Variants in SELP observed in about 807,000 individuals in gnomAD.
The protein encoded by SELP is P-selectin.
Under a neutral mutation model 104.1 loss-of-function variants are expected in SELP, and 92 were observed. That is an observed-to-expected ratio of 0.88 (90% CI 0.75 to 1.05). SELP has a LOEUF of 1.05. Among genes scored for constraint, SELP ranks in the 50% least tolerant of loss-of-function variants. SELP has a pLI of 0.00. For missense variants in SELP, 1,022 were observed against 1,017.3 expected (o/e 1.00, Z -0.06); for synonymous variants, 397 against 364.5 (o/e 1.09, Z -1.01).
At chr1:169,620,147 G>T (rs3917692) in intron 1 of SELP, among the ~76,000 whole-genome samples, 2,319 of 152,228 alleles carry the variant, frequency 0.015, 64 homozygotes, top group African/African-American at 0.051. Flanking sequence ...GGCGGAGGTT[G>T]CAGTGAGCGG....
rs6128 is a variant in SELP, at chr1:169,593,666, C to G, written c.2346G>C (p.Thr782=). 1.2e-6 allele frequency: 2 copies of G among 1,613,142 alleles called. No individual in the cohort carries two copies. Among genetic ancestry groups the G allele is most frequent in the East Asian group, 4.5e-5 (2 of 44,864 alleles). ...LTYFGGAVAS[T]IGLIMGGTLL... Reference sequence around the variant, plus strand: ...GCGTCCCACCCATTATCAGACCTATCGTAGAAGCCACCGCTCCACCAAAGT... The same window carrying G: ...GCGTCCCACCCATTATCAGACCTATGGTAGAAGCCACCGCTCCACCAAAGT... The change falls in exon 14 of 17, where the codon ACG becomes ACC. Residue 782 remains threonine (T), a synonymous_variant. Transcript: ENST00000263686.
chr1:169,612,081 G>T, intron 6 of SELP, 136 bp downstream of exon 6: 1 of 833,204 alleles, frequency 1.2e-6, no homozygotes. Flanking sequence ...ACCCAATCTA[G>T]CTGAATGGCA....
intron 4 of SELP, 122 bp downstream of exon 4, chr1:169,613,464 G>T: frequency 1.4e-6 from 1 of 736,694 alleles, no homozygotes; most frequent in Non-Finnish European, 2.4e-6. Flanking sequence ...GGAGGAGACA[G>T]ATGATAGAGG....
intron 7 of SELP, among the ~76,000 whole-genome samples, chr1:169,610,833 C>T (rs1334551105): frequency 6.6e-6 from 1 of 151,924 alleles, no homozygotes; most frequent in Non-Finnish European, 1.5e-5. Flanking sequence ...CCAAAATCCT[C>T]TAGTGTTTCT....
At chr1:169,606,818 G>A (rs1298505001) in intron 9 of SELP, 131 bp downstream of exon 9, 2 of 794,190 alleles carry the variant, frequency 2.5e-6, no homozygotes, top group Non-Finnish European at 4.1e-6. Flanking sequence ...ACAAGAGGAT[G>A]AGTGAGAGTA....
At chr1:169,601,603 G>A (rs1661915447) in intron 10 of SELP, among the ~76,000 whole-genome samples, 1 of 152,188 alleles carries the variant, frequency 6.6e-6, no homozygotes, top group Non-Finnish European at 1.5e-5. Flanking sequence ...CTGTGGAGTG[G>A]AAAAGAGTAA....
intron 12 of SELP, 87 bp downstream of exon 12, chr1:169,595,838 G>T: frequency 8.6e-7 from 1 of 1,158,382 alleles, no homozygotes. Flanking sequence ...GTTGTGGTTG[G>T]GTGAGACTTC....
Position 169,597,119 on chromosome 1 carries a change from G to A in SELP, c.1763C>T (p.Thr588Ile), listed in dbSNP as rs1661667680. The change falls in exon 11 of 17, where the codon ACT (threonine) becomes ATT (isoleucine). Residue 588 changes from threonine (T) to isoleucine (I), a missense_variant. Transcript: ENST00000263686. ...PEQGSLDCSD[T>I]RGEFNVGSTC... ...GGAGCCAACATTGAATTCTCCACGA[G>A]TGTCAGAACAATCCAGGCTGCCCTG... is the stretch of plus-strand genomic sequence containing the variant. 2 of 1,612,750 alleles carry A rather than the reference G, an allele frequency of 1.2e-6. No individual in the cohort carries two copies. Among genetic ancestry groups the A allele is most frequent in the Non-Finnish European group, 1.7e-6 (2 of 1,179,296 alleles).
intron 2 of SELP, 55 bp from the exon 3 acceptor site, chr1:169,617,469 G>C: frequency 6.5e-7 from 1 of 1,547,064 alleles, no homozygotes; most frequent in South Asian, 1.2e-5. Flanking sequence ...AAAAGAGGCC[G>C]TGATCCCAAG....
At chr1:169,614,442 C>G (rs1333353953) in intron 3 of SELP, among the ~76,000 whole-genome samples, 1 of 152,200 alleles carries the variant, frequency 6.6e-6, no homozygotes, top group African/African-American at 2.4e-5. Flanking sequence ...GCCATGGTTT[C>G]TTTCCTGCAA....
intron 12 of SELP, among the ~76,000 whole-genome samples, chr1:169,595,704 C>G (rs1049547769): frequency 6.6e-6 from 1 of 152,120 alleles, no homozygotes; most frequent in African/African-American, 2.4e-5. Context: ...CTTTAAGTCT[C>G]TGAGTACTTG....
intron 2 of SELP, 102 bp from the exon 3 acceptor site, chr1:169,617,516 A>C: frequency 8.5e-7 from 1 of 1,177,688 alleles, no homozygotes; most frequent in Admixed American, 2.3e-5. Flanking sequence ...TCCGACCAGA[A>C]CATTAATACA....
intron 3 of SELP, among the ~76,000 whole-genome samples, chr1:169,615,853 T>A (rs1662781819): frequency 6.6e-6 from 1 of 152,200 alleles, no homozygotes; most frequent in Non-Finnish European, 1.5e-5. Context: ...ATACCTGTAC[T>A]GTTGAGGGCT....
rs138016577 is a variant in SELP, at chr1:169,599,484, G to C, written c.1706-2308C>G. ...TTCTATCACATATGGGTATTCATTG[G>C]TGTTCTTCTATAGTCCATCAAGAAA... On this transcript the variant is annotated intron_variant, in intron 10 of 16. Transcript: ENST00000263686. Among the ~76,000 whole-genome samples the C allele has an allele frequency of 7.3e-3, 1,104 of 152,196 alleles. 4 individuals are homozygous for C. The highest frequency in any genetic ancestry group is 0.013 in the Non-Finnish European group (883 of 68,002).
chr1:169,613,612 C>A lies in SELP; in HGVS notation c.563G>T (p.Gly188Val). The change falls in exon 4 of 17, where the codon GGA (glycine) becomes GTA (valine). Residue 188 changes from glycine (G) to valine (V), a missense_variant. By Grantham distance (109) the Gly-to-Val change is moderately radical. Transcript: ENST00000263686. ...IGNYTCSCYP[G>V]FYGPECEYVR... Reference sequence around the variant, plus strand: ...GTATTCACATTCTGGCCCATAGAATCCAGGGTAACAGGAGCAGGTGTAGTT... The same window carrying A: ...GTATTCACATTCTGGCCCATAGAATACAGGGTAACAGGAGCAGGTGTAGTT... 6.2e-7 allele frequency: 1 copy of A among 1,613,958 alleles called. No individual in the cohort carries two copies. Among genetic ancestry groups the A allele is most frequent in the Middle Eastern group, 1.7e-4 (1 of 6,058 alleles).
At chr1:169,609,731 G>A (rs1461755932) in intron 7 of SELP, 42 bp from the exon 8 acceptor site, 2 of 1,550,504 alleles carry the variant, frequency 1.3e-6, no homozygotes, top group South Asian at 1.2e-5. Flanking sequence ...TAATGGAAGG[G>A]CCGGGTTCTT....
At chr1:169,622,902 G>T (rs528014438) in intron 1 of SELP, among the ~76,000 whole-genome samples, 1 of 152,154 alleles carries the variant, frequency 6.6e-6, no homozygotes, top group Non-Finnish European at 1.5e-5. Context: ...GATGAGGATT[G>T]CAGATCATGC....
intron 3 of SELP, among the ~76,000 whole-genome samples, chr1:169,615,019 A>C (rs1662737199): frequency 6.6e-6 from 1 of 152,130 alleles, no homozygotes; most frequent in South Asian, 2.1e-4. Context: ...AAAAAGAGAC[A>C]ATGTTCTGTA....
chr1:169,608,195 G>A (rs1001319058), intron 8 of SELP, among the ~76,000 whole-genome samples: 30 of 145,070 alleles, frequency 2.1e-4, no homozygotes, highest in African/African-American at 5.9e-4. Flanking sequence ...TGAGATATAC[G>A]TAGCATGAAA....
Sources: allele counts gnomAD v4.1 joint callset (sites outside exome capture counted in the v4.1 genomes callset), GRCh38; gene constraint gnomAD v4.1.1; transcripts MANE v1.5; gene names NCBI Gene and HGNC (gene_info 2026-07-23, HGNC 2026-07-21).